CFAP54: variants seen among roughly 807,000 people sequenced by gnomAD.
CFAP54 encodes the protein cilia- and flagella-associated protein 54.
A neutral mutation model predicts 370.4 loss-of-function variants in CFAP54; 290 were observed. The ratio of observed to expected loss-of-function variants is 0.78; its 90% CI spans 0.71 to 0.86. The LOEUF is 0.86. CFAP54 is among the 40% of genes least tolerant of loss of function. The pLI is 0.00. For missense variants in CFAP54, 3,399 were observed against 3,528.7 expected, an observed-to-expected ratio of 0.96 and a Z score of 0.93; for synonymous variants, 1,206 against 1,236.5, an observed-to-expected ratio of 0.98 and a Z score of 0.52.
chr12:96,492,229 C>T (rs905325615), intron 1 of CFAP54, among the ~76,000 whole-genome samples: 5 of 152,192 alleles, frequency 3.3e-5, no homozygotes, highest in African/African-American at 1.2e-4. Context: ...TATCTAAAGT[C>T]TTTCTATTGC....
intron 14 of CFAP54, 123 bp from the exon 15 acceptor site, chr12:96,547,779 T>G (rs1955656155): frequency 2.4e-6 from 1 of 408,936 alleles, no homozygotes; most frequent in Non-Finnish European, 4.3e-6. Context: ...TCCTTCCTTC[T>G]TCTTTCGTTT....
At chr12:96,765,962 A>G (rs2136673078) in intron 60 of CFAP54, among the ~76,000 whole-genome samples, 1 of 152,264 alleles carries the variant, frequency 6.6e-6, no homozygotes, top group African/African-American at 2.4e-5. Flanking sequence ...AAGCACTTGG[A>G]TAGGTGCTAA....
At chr12:96,839,037 G>A (rs1403056650) in intron 66 of CFAP54, among the ~76,000 whole-genome samples, 3 of 152,098 alleles carry the variant, frequency 2.0e-5, no homozygotes, top group African/African-American at 7.2e-5. Context: ...CAAATGGAGG[G>A]GCTAGATTAA....
intron 26 of CFAP54, among the ~76,000 whole-genome samples, chr12:96,611,094 G>A (rs995003929): frequency 6.6e-6 from 1 of 152,212 alleles, no homozygotes; most frequent in Non-Finnish European, 1.5e-5. Flanking sequence ...GCCTCCTCAA[G>A]TGGGTCCGTG....
chr12:96,754,002 A>G, intron 56 of CFAP54, 104 bp downstream of exon 56: 1 of 1,200,572 alleles, frequency 8.3e-7, no homozygotes, highest in Admixed American at 2.2e-5. Flanking sequence ...AAAAATTACA[A>G]ACATACAAAG....
At chr12:96,610,268 G>A (rs1193929693) in intron 26 of CFAP54, among the ~76,000 whole-genome samples, 1 of 152,202 alleles carries the variant, frequency 6.6e-6, no homozygotes, top group Non-Finnish European at 1.5e-5. Context: ...CTCTTCATCT[G>A]AAAGTAAACA....
At chr12:96,811,664 C>G (rs1159131268) in intron 63 of CFAP54, 72 bp from the exon 64 acceptor site, 1 of 774,980 alleles carries the variant, frequency 1.3e-6, no homozygotes, top group Non-Finnish European at 2.0e-6. Context: ...ATTTTGTGAA[C>G]TAATGCTGTA....
At position 96,864,712 on chromosome 12, in the gene CFAP54, A is replaced by G. The variant is rs190180930; in HGVS notation, c.*14+3760A>G. Among the ~76,000 whole-genome samples the G allele has an allele frequency of 2.5e-3, 386 of 152,254 alleles. 1 individual carries two copies. The highest frequency in any genetic ancestry group is 9.0e-3 in the African/African-American group (374 of 41,560). Reference sequence around the variant, plus strand: ...GTGCCCTGCTCATTTGGCTCTTAACAGTGTCCTTGGACACATAGTTTTGTA... The same window carrying G: ...GTGCCCTGCTCATTTGGCTCTTAACGGTGTCCTTGGACACATAGTTTTGTA... On this transcript the variant is annotated intron_variant, in intron 67 of 67. Coordinates refer to ENST00000524981, the MANE Select transcript of CFAP54 (RefSeq NM_001306084.2).
At chr12:96,682,557 G>A (rs954596706) in intron 40 of CFAP54, among the ~76,000 whole-genome samples, 12 of 151,840 alleles carry the variant, frequency 7.9e-5, no homozygotes, top group African/African-American at 2.9e-4. Flanking sequence ...TATATTTTTT[G>A]TAGAGATAGA....
intron 32 of CFAP54, among the ~76,000 whole-genome samples, chr12:96,630,906 C>A: frequency 6.6e-6 from 1 of 151,724 alleles, no homozygotes; most frequent in Non-Finnish European, 1.5e-5. Context: ...GTGGTGGTGG[C>A]AATAGTTTAG....
At chr12:96,656,331 A>G (rs552376012) in intron 36 of CFAP54, among the ~76,000 whole-genome samples, 2 of 151,166 alleles carry the variant, frequency 1.3e-5, no homozygotes, top group East Asian at 2.0e-4. Context: ...ATTGGGATCA[A>G]CTGAGAGATG....
At chr12:96,805,671 A>G (rs1458193941) in intron 63 of CFAP54, among the ~76,000 whole-genome samples, 1 of 152,120 alleles carries the variant, frequency 6.6e-6, no homozygotes, top group Non-Finnish European at 1.5e-5. Context: ...CTTTATGGAA[A>G]AAAGTAGAGA....
chr12:96,750,656 T>G (rs1958171917), intron 55 of CFAP54, among the ~76,000 whole-genome samples: 2 of 152,234 alleles, frequency 1.3e-5, no homozygotes, highest in Non-Finnish European at 2.9e-5. Context: ...GAGCTTAAAA[T>G]ACAGATTGTG....
chr12:96,528,619 T>C (rs1188102927), intron 9 of CFAP54, among the ~76,000 whole-genome samples: 1 of 152,206 alleles, frequency 6.6e-6, no homozygotes, highest in Non-Finnish European at 1.5e-5. Context: ...ATTTCCTCCA[T>C]AGATATAAAA....
At chr12:96,572,876 G>A in intron 19 of CFAP54, 1 of 985,384 alleles carries the variant, frequency 1.0e-6, no homozygotes, top group Non-Finnish European at 1.2e-6. Context: ...AGCCATGGCA[G>A]AACACAGAAA....
intron 50 of CFAP54, among the ~76,000 whole-genome samples, chr12:96,728,075 G>C (rs1957865512): frequency 6.6e-6 from 1 of 152,018 alleles, no homozygotes; most frequent in Non-Finnish European, 1.5e-5. Context: ...TCCCTTTGTG[G>C]GTAACCCAAC....
rs534225680 is a variant in CFAP54, at chr12:96,622,670, G to T, written c.3771+949G>T. On this transcript the variant is annotated intron_variant, in intron 27 of 67. Coordinates refer to ENST00000524981, the MANE Select transcript of CFAP54 (RefSeq NM_001306084.2). ...TGGCCAGTTCATTGGGTTTCTGAGG[G>T]CACTAGAAATTACTTGAAGTCCCTT... 1.2e-4 allele frequency among the ~76,000 whole-genome samples: 18 copies of T among 152,202 alleles called. No homozygotes were observed. In the South Asian group the frequency reaches 1.5e-3, roughly 12 times the overall value.
intron 66 of CFAP54, among the ~76,000 whole-genome samples, chr12:96,831,069 G>A (rs906299186): frequency 6.6e-6 from 1 of 152,134 alleles, no homozygotes; most frequent in African/African-American, 2.4e-5. Flanking sequence ...TGTTAGTAAG[G>A]CTAAGTATAG....
chr12:96,492,855 G>A (rs1428616126), intron 1 of CFAP54, among the ~76,000 whole-genome samples: 1 of 152,104 alleles, frequency 6.6e-6, no homozygotes, highest in Non-Finnish European at 1.5e-5. Context: ...TTAGCCGGGC[G>A]TGGTGGTGTG....
Sources: allele counts gnomAD v4.1 joint callset (sites outside exome capture counted in the v4.1 genomes callset), GRCh38; gene constraint gnomAD v4.1.1; transcripts MANE v1.5; gene names NCBI Gene and HGNC (gene_info 2026-07-23, HGNC 2026-07-21).